SATB2: variants seen among roughly 807,000 people sequenced by gnomAD.
SATB2 encodes the protein DNA-binding protein SATB2.
A neutral mutation model predicts 73.4 loss-of-function variants in SATB2; 1 was observed. The ratio of observed to expected loss-of-function variants is 0.01; its 90% CI spans 0.00 to 0.06. SATB2 has a LOEUF of 0.06. Ranked by LOEUF, SATB2 falls within the 10% of genes least tolerant of loss-of-function variation. The pLI, the probability that SATB2 is intolerant of heterozygous loss-of-function variation, is 1.00. For missense variants in SATB2, 459 were observed against 945.8 expected, an observed-to-expected ratio of 0.49 and a Z score of 6.75; for synonymous variants, 397 against 367.0, an observed-to-expected ratio of 1.08 and a Z score of -0.93.
intron 10 of SATB2, among the ~76,000 whole-genome samples, chr2:199,280,990 T>C (rs1036787057): frequency 6.6e-6 from 1 of 152,190 alleles, no homozygotes; most frequent in Non-Finnish European, 1.5e-5. Context: ...CCTGCTGACA[T>C]GTGATGTCTC....
intron 5 of SATB2, among the ~76,000 whole-genome samples, chr2:199,370,139 G>A (rs765073577): frequency 2.0e-5 from 3 of 152,036 alleles, no homozygotes; most frequent in Non-Finnish European, 2.9e-5. Flanking sequence ...CGCTATTAAC[G>A]ACCAAGTACG....
At chr2:199,470,122 C>G (rs1264536621) in intron 1 of SATB2, 1 of 152,432 alleles carries the variant, frequency 6.6e-6, no homozygotes, top group Non-Finnish European at 1.5e-5. Flanking sequence ...AGACACCAGT[C>G]TCTGTGCTCG....
Position 199,455,830 on chromosome 2 carries a change from G to C in SATB2, c.169+39C>G, listed in dbSNP as rs749957974. The C allele has an allele frequency of 4.6e-5, 71 of 1,532,732 alleles. 5 individuals carry two copies. In the South Asian group the frequency reaches 8.2e-4, roughly 18 times the overall value. The allele number at this position is 1,532,732 out of a possible 1,614,324, so 94.9% of individuals were successfully genotyped here. On this transcript the variant is annotated intron_variant, in intron 2 of 10. Coordinates refer to ENST00000417098, the MANE Select transcript of SATB2 (RefSeq NM_001172509.2). The surrounding 1 kb of genome is among the most constrained non-coding windows in gnomAD (Gnocchi z 4.1). The stretch of plus-strand genomic sequence containing the variant: ...CCCTGACACCCGGGCCATTATCACT[G>C]GGCCGCGGGCTGCGCGCCTCCCTGC...
At chr2:199,458,705 T>C (rs952966391), upstream of SATB2, 8 of 442,970 alleles carry the variant, frequency 1.8e-5, no homozygotes, top group Non-Finnish European at 3.6e-5. Context: ...CTCTGTTAAC[T>C]GCGCGGAGTA....
At chr2:199,274,360 G>GA (rs111468710) in intron 10 of SATB2, among the ~76,000 whole-genome samples, 135 of 144,702 alleles carry the variant, frequency 9.3e-4, no homozygotes, top group East Asian at 3.6e-3. Flanking sequence ...AAGCATTTAA[G>GA]AAAAAAAAAA....
chr2:199,393,514 C>A (rs1173024120), intron 3 of SATB2, among the ~76,000 whole-genome samples: 1 of 152,124 alleles, frequency 6.6e-6, no homozygotes, highest in Admixed American at 6.5e-5. Context: ...AAACCCTCAA[C>A]CAAATCTTGT....
At chr2:199,311,731 T>C (rs1441602487) in intron 9 of SATB2, among the ~76,000 whole-genome samples, 1 of 152,202 alleles carries the variant, frequency 6.6e-6, no homozygotes, top group Non-Finnish European at 1.5e-5. Flanking sequence ...GCTCATTCCA[T>C]GTATTTGTAA....
At chr2:199,300,492 AC>A (rs1687251859) in intron 10 of SATB2, among the ~76,000 whole-genome samples, 1 of 152,072 alleles carries the variant, frequency 6.6e-6, no homozygotes, top group Non-Finnish European at 1.5e-5. Context: ...CTATCCCAAA[AC>A]TTTTAAAAAA....
intron 3 of SATB2, among the ~76,000 whole-genome samples, chr2:199,382,231 C>T (rs936860661): frequency 7.9e-5 from 12 of 152,068 alleles, no homozygotes; most frequent in African/African-American, 2.9e-4. Context: ...CAAGAAAATT[C>T]CTGTGTGTGG....
At chr2:199,435,710 T>C (rs568122230) in intron 2 of SATB2, among the ~76,000 whole-genome samples, 1 of 152,234 alleles carries the variant, frequency 6.6e-6, no homozygotes, top group East Asian at 1.9e-4. Flanking sequence ...ATGTGACAGG[T>C]ATCACCACCA....
intron 4 of SATB2, 69 bp downstream of exon 4, chr2:199,381,625 T>C (rs1420805710): frequency 6.3e-7 from 1 of 1,584,012 alleles, no homozygotes; most frequent in Non-Finnish European, 8.7e-7. Context: ...ATGCTGATCT[T>C]TGCAGTGAAT....
chr2:199,284,114 T>C lies in SATB2; in HGVS notation c.1741-11442A>G, dbSNP rs573950389. ...ACCTTTTAACCTTTCAAGCAAAAAT[T>C]AGAGTTTTGAAAAACTTGTAGTGGC... On this transcript the variant is annotated intron_variant, in intron 10 of 10. Transcript: ENST00000417098. 1.1e-4 allele frequency among the ~76,000 whole-genome samples: 17 copies of C among 152,326 alleles called. No homozygotes were observed. The South Asian group carries it at 3.1e-3, about 28-fold the overall frequency.
intron 5 of SATB2, among the ~76,000 whole-genome samples, chr2:199,379,731 T>C (rs1430891781): frequency 6.6e-6 from 1 of 151,066 alleles, no homozygotes; most frequent in Non-Finnish European, 1.5e-5. Context: ...TCTTGCTATG[T>C]TGCCCAGGCT....
rs139674865 is a variant in SATB2, at chr2:199,423,229, A to G, written c.346+10109T>C. Among the ~76,000 whole-genome samples, 19 of 152,264 alleles carry G rather than the reference A, an allele frequency of 1.2e-4. 1 individual carries two copies. The highest frequency in any genetic ancestry group is 4.6e-4 in the African/African-American group (19 of 41,554). On this transcript the variant is annotated intron_variant, in intron 3 of 10. Coordinates refer to ENST00000417098, the MANE Select transcript of SATB2 (RefSeq NM_001172509.2). ...TGCTTATTTTCCATCTCCCCTACAT[A>G]TAAGAATGTAAGTATCTTGAGGGCA...
chr2:199,344,631 G>A (rs1011837998), intron 7 of SATB2, among the ~76,000 whole-genome samples: 1 of 152,178 alleles, frequency 6.6e-6, no homozygotes, highest in Admixed American at 6.5e-5. Flanking sequence ...CAGTCCCACT[G>A]TGTTTCTTCC....
rs1298560919 is a variant in SATB2, at chr2:199,381,994, T to C, written c.347-174A>G. On this transcript the variant is annotated intron_variant, in intron 3 of 10. Transcript: ENST00000417098. ...CTGGCCGACAATTGAGTTAGTTAAC[T>C]ATACAGGAAGATGGGAAGGAAAGAA... Among the ~76,000 whole-genome samples, 6 of 152,214 alleles carry C rather than the reference T, an allele frequency of 3.9e-5. No individual in the cohort carries two copies. In the East Asian group the frequency reaches 1.2e-3, roughly 29 times the overall value.
At chr2:199,310,887 A>G (rs878934333) in intron 9 of SATB2, among the ~76,000 whole-genome samples, 28 of 152,228 alleles carry the variant, frequency 1.8e-4, no homozygotes, top group Admixed American at 1.2e-3. Flanking sequence ...GCTGAGTGGT[A>G]TCTCCACTTA....
intron 10 of SATB2, among the ~76,000 whole-genome samples, chr2:199,285,772 G>T (rs1692666787): frequency 6.6e-6 from 1 of 151,140 alleles, no homozygotes; most frequent in South Asian, 2.1e-4. Flanking sequence ...AAAAAAAGTG[G>T]CAGTCAACAA....
chr2:199,324,760 G>A (rs1386612695), intron 8 of SATB2, among the ~76,000 whole-genome samples: 1 of 152,092 alleles, frequency 6.6e-6, no homozygotes, highest in African/African-American at 2.4e-5. Flanking sequence ...CATTTACTTG[G>A]TGTGAGCCCT....
Sources: gnomAD v4.1 joint callset for allele counts (sites outside exome capture counted in the v4.1 genomes callset) on GRCh38, gnomAD v4.1.1 for gene constraint, Gnocchi (gnomAD v3.1) non-coding constraint, MANE v1.5 for transcripts, NCBI Gene and HGNC (gene_info 2026-07-23, HGNC 2026-07-21) for gene names.